Variants in DPP10 observed in about 807,000 individuals in gnomAD.
DPP10 encodes inactive dipeptidyl peptidase 10.
DPP10 carries 33 observed loss-of-function variants against 120.9 expected under a neutral mutation model. The observed-to-expected ratio is 0.27, with a 90% CI of 0.21 to 0.37. The LOEUF (loss-of-function observed/expected upper bound fraction) is 0.37, where lower values mean the gene tolerates loss of function less well. Among genes scored for constraint, DPP10 ranks in the 10% least tolerant of loss-of-function variants. The pLI, the probability that DPP10 is intolerant of heterozygous loss-of-function variation, is 1.00. For missense variants in DPP10, 816 were observed against 942.8 expected (o/e 0.87, Z 1.76); for synonymous variants, 337 against 326.1 (o/e 1.03, Z -0.36).
At chr2:115,125,805 A>G (rs1254559931) in intron 1 of DPP10, among the ~76,000 whole-genome samples, 1 of 151,800 alleles carries the variant, frequency 6.6e-6, no homozygotes, top group African/African-American at 2.4e-5. Context: ...GATAGTCTTG[A>G]TCTCTTGACC....
intron 5 of DPP10, among the ~76,000 whole-genome samples, chr2:115,686,954 C>T (rs1020271054): frequency 2.0e-5 from 3 of 151,964 alleles, no homozygotes; most frequent in Admixed American, 1.3e-4. Context: ...TGTTACTCTT[C>T]CTAATCTTAA....
intron 5 of DPP10, among the ~76,000 whole-genome samples, chr2:115,532,555 T>A (rs1230082450): frequency 6.6e-6 from 1 of 152,076 alleles, no homozygotes; most frequent in Non-Finnish European, 1.5e-5. Context: ...TGATTTTCAA[T>A]ACTCAGTACT....
At chr2:115,022,939 C>T (rs1044624253) in intron 1 of DPP10, among the ~76,000 whole-genome samples, 1 of 152,126 alleles carries the variant, frequency 6.6e-6, no homozygotes, top group Non-Finnish European at 1.5e-5. Context: ...AGATAATTGG[C>T]AAGCCACATG....
chr2:115,677,719 T>G (rs976507896), intron 5 of DPP10, among the ~76,000 whole-genome samples: 1 of 152,178 alleles, frequency 6.6e-6, no homozygotes, highest in Non-Finnish European at 1.5e-5. Context: ...CAAGAGGATA[T>G]AACAATGTTA....
chr2:115,813,691 T>TA (rs1686913517), intron 19 of DPP10, among the ~76,000 whole-genome samples: 1 of 152,248 alleles, frequency 6.6e-6, no homozygotes, highest in Non-Finnish European at 1.5e-5. Flanking sequence ...ACAACCCCTG[T>TA]ATCTGCTCAG....
At chr2:115,412,332 C>A (rs2069016369) in intron 3 of DPP10, among the ~76,000 whole-genome samples, 1 of 152,090 alleles carries the variant, frequency 6.6e-6, no homozygotes, top group Non-Finnish European at 1.5e-5. Flanking sequence ...TAAATTGGAT[C>A]ATGATATAAT....
chr2:115,409,396 C>T (rs2068767798), intron 3 of DPP10, among the ~76,000 whole-genome samples: 1 of 152,012 alleles, frequency 6.6e-6, no homozygotes, highest in African/African-American at 2.4e-5. Flanking sequence ...TACAAATGGC[C>T]AACAAAAGTG....
At position 114,596,578 on chromosome 2, in the gene DPP10, G is replaced by A. The variant is rs141712732; in HGVS notation, c.60+153740G>A. ...TTTAACTATATTTTTCCATTTTTCG[G>A]TGTTCACTTTGTAGTCATACAAATA... On this transcript the variant is annotated intron_variant, in intron 1 of 25. Transcript: ENST00000410059. Among the ~76,000 whole-genome samples the A allele has an allele frequency of 3.7e-3, 568 of 152,042 alleles. 3 individuals carry two copies. Among genetic ancestry groups the A allele is most frequent in the African/African-American group, 0.013 (534 of 41,494 alleles).
chr2:115,713,323 G>T (rs1575585642), intron 7 of DPP10, among the ~76,000 whole-genome samples: 1 of 152,114 alleles, frequency 6.6e-6, no homozygotes, highest in African/African-American at 2.4e-5. Context: ...TAAGTTGGTT[G>T]GTTATGGAGT....
intron 1 of DPP10, among the ~76,000 whole-genome samples, chr2:114,521,983 A>AT (rs35338330): frequency 7.9e-4 from 70 of 88,958 alleles, no homozygotes; most frequent in African/African-American, 2.0e-3. Context: ...AATTTTTTGT[A>AT]TTTTTTTTTT....
At chr2:114,781,507 A>C (rs1330654348) in intron 1 of DPP10, among the ~76,000 whole-genome samples, 2 of 152,136 alleles carry the variant, frequency 1.3e-5, no homozygotes, top group Non-Finnish European at 2.9e-5. Context: ...TGGTACAGGC[A>C]TTTGAAAAGA....
At chr2:114,718,032 T>C (rs549121080) in intron 1 of DPP10, among the ~76,000 whole-genome samples, 1 of 152,218 alleles carries the variant, frequency 6.6e-6, no homozygotes, top group Non-Finnish European at 1.5e-5. Flanking sequence ...TCTCTTTCTA[T>C]GTTTCTGGAA....
At chr2:115,198,225 A>G (rs2055428320) in intron 1 of DPP10, among the ~76,000 whole-genome samples, 1 of 152,206 alleles carries the variant, frequency 6.6e-6, no homozygotes, top group Admixed American at 6.5e-5. Flanking sequence ...AAAATCCTCC[A>G]GTGATTCCCC....
chr2:114,938,666 A>T (rs1200378974), intron 1 of DPP10, among the ~76,000 whole-genome samples: 1 of 150,820 alleles, frequency 6.6e-6, no homozygotes, highest in African/African-American at 2.4e-5. Context: ...CTAAGAAGTG[A>T]CATTTTTCCT....
rs117108030 is a variant in DPP10, at chr2:114,791,508, G to A, written c.60+348670G>A. Among the ~76,000 whole-genome samples the A allele has an allele frequency of 3.1e-3, 476 of 152,190 alleles. 11 individuals carry two copies. The East Asian group carries it at 0.068, about 22-fold the overall frequency. On this transcript the variant is annotated intron_variant, in intron 1 of 25. Transcript: ENST00000410059. Reference sequence around the variant, plus strand: ...TAGTGTTGAGTTTTCCCAATTTGTCGCTCTTCTGAAGCTCTCTTTTTCACT... The same window carrying A: ...TAGTGTTGAGTTTTCCCAATTTGTCACTCTTCTGAAGCTCTCTTTTTCACT...
At chr2:114,932,480 T>A (rs995449827) in intron 1 of DPP10, among the ~76,000 whole-genome samples, 2 of 152,150 alleles carry the variant, frequency 1.3e-5, no homozygotes, top group African/African-American at 2.4e-5. Flanking sequence ...AAGAACAAAT[T>A]TTTTATATGT....
At chr2:114,727,151 C>T (rs1271370296) in intron 1 of DPP10, among the ~76,000 whole-genome samples, 4 of 152,130 alleles carry the variant, frequency 2.6e-5, no homozygotes, top group Non-Finnish European at 4.4e-5. Context: ...GCTTGATTTG[C>T]TGTAGAGGCA....
intron 1 of DPP10, among the ~76,000 whole-genome samples, chr2:115,254,836 T>G (rs2058911231): frequency 6.6e-6 from 1 of 152,168 alleles, no homozygotes; most frequent in African/African-American, 2.4e-5. Flanking sequence ...ATGCAAGAGG[T>G]GGGCTCCCAC....
chr2:114,886,174 G>A (rs1692054580), intron 1 of DPP10, among the ~76,000 whole-genome samples: 1 of 152,138 alleles, frequency 6.6e-6, no homozygotes, highest in Admixed American at 6.5e-5. Flanking sequence ...TTTTAGAACT[G>A]CATTTTTAAG....
Sources: allele counts gnomAD v4.1 joint callset (sites outside exome capture counted in the v4.1 genomes callset), GRCh38; gene constraint gnomAD v4.1.1; transcripts MANE v1.5; gene names NCBI Gene and HGNC (gene_info 2026-07-23, HGNC 2026-07-21).